Variants in FRAS1 observed in about 807,000 individuals in gnomAD.
The protein encoded by FRAS1 is Fraser extracellular matrix complex subunit 1.
FRAS1 carries 290 observed loss-of-function variants against 435.2 expected under a neutral mutation model. That is an observed-to-expected ratio of 0.67 (90% confidence interval 0.61 to 0.73). FRAS1 has a LOEUF of 0.73. FRAS1 is among the 30% of genes least tolerant of loss of function. The pLI is 0.00. For missense variants in FRAS1, 4,860 were observed against 5,001.5 expected (o/e 0.97, Z 0.85); for synonymous variants, 1,800 against 1,851.0 (o/e 0.97, Z 0.71).
chr4:78,198,150 A>G (rs1487689988), intron 2 of FRAS1, among the ~76,000 whole-genome samples: 1 of 152,056 alleles, frequency 6.6e-6, no homozygotes, highest in Non-Finnish European at 1.5e-5. Context: ...TTCACTTTCA[A>G]TCTCAGGACC....
Position 78,173,034 on chromosome 4 carries a change from C to T in FRAS1, c.109-64476C>T, listed in dbSNP as rs567089595. Among the ~76,000 whole-genome samples the T allele has an allele frequency of 7.9e-5, 12 of 151,626 alleles. No individual in the cohort carries two copies. The South Asian group carries it at 1.0e-3, about 13-fold the overall frequency. ...GAAATGTTATTTTAGAAGATGGGTG[C>T]GAATCTTTGTCCACAGCTCAGGTGT... is the stretch of plus-strand genomic sequence containing the variant. On this transcript the variant is annotated intron_variant, in intron 2 of 73. Transcript: ENST00000512123.
chr4:78,105,002 T>A (rs369587113), intron 2 of FRAS1, among the ~76,000 whole-genome samples: 7 of 152,222 alleles, frequency 4.6e-5, no homozygotes, highest in African/African-American at 1.4e-4. Context: ...TTTAGATTGA[T>A]CATATTCATT....
In FRAS1 at chr4:78,478,057, A is replaced by G; in HGVS notation, c.8094A>G (p.Arg2698=). Residue 2698 remains arginine (R), a synonymous_variant, in exon 55 of 74, where the codon AGA becomes AGG. Coordinates refer to ENST00000512123, the MANE Select transcript of FRAS1 (RefSeq NM_025074.7). ...GTTTTCTGTTTGCACCTATTGAAAG[A>G]AAAGGTCTGTTGGTTCCACAGGTGA... ...SAGFLFAPIE[R]KGDASSIVSA... The G allele has an allele frequency of 6.4e-7, 1 of 1,560,260 alleles. No homozygotes were observed. The highest frequency in any genetic ancestry group is 1.4e-5 in the African/African-American group (1 of 73,700).
chr4:78,477,435 C>T (rs1291887490), intron 54 of FRAS1, among the ~76,000 whole-genome samples: 2 of 152,130 alleles, frequency 1.3e-5, no homozygotes, highest in Non-Finnish European at 2.9e-5. Context: ...GATCTGAGAA[C>T]AGAACTTCAT....
Position 78,375,799 on chromosome 4 carries a change from G to T in FRAS1, c.3212G>T (p.Gly1071Val), listed in dbSNP as rs746618346. Reference sequence around the variant, plus strand: ...GACCGTTGTCACCTCTGTGACCATGGGTTCTTTCTGAAGAGTGGCCTCTGT... The same window carrying T: ...GACCGTTGTCACCTCTGTGACCATGTGTTCTTTCTGAAGAGTGGCCTCTGT... ...HRDRCHLCDHGFFLKSGLCVY... is the reference protein window; with the variant it reads ...HRDRCHLCDHVFFLKSGLCVY... Residue 1071 changes from glycine to valine, a missense_variant, in exon 26 of 74, where the codon GGG becomes GTG. Coordinates refer to ENST00000512123, the MANE Select transcript of FRAS1 (RefSeq NM_025074.7). 5.0e-6 allele frequency: 8 copies of T among 1,612,904 alleles called. No homozygotes were observed. The highest frequency in any genetic ancestry group is 5.9e-6 in the Non-Finnish European group (7 of 1,179,472).
chr4:78,390,797 C>T (rs1388329956), intron 29 of FRAS1, among the ~76,000 whole-genome samples: 1 of 152,232 alleles, frequency 6.6e-6, no homozygotes, highest in Non-Finnish European at 1.5e-5. Context: ...AGTTCTTACC[C>T]TGTGGCTACC....
chr4:78,282,927 C>G lies in FRAS1; in HGVS notation c.1215C>G (p.Ala405=), dbSNP rs756996619. 2.9e-5 allele frequency: 46 copies of G among 1,608,772 alleles called. No homozygotes were observed. Among genetic ancestry groups the G allele is most frequent in the Non-Finnish European group, 3.2e-5 (38 of 1,177,970 alleles). The change falls in exon 12 of 74, where the codon GCC becomes GCG. Residue 405 remains alanine, a synonymous_variant. Transcript: ENST00000512123. The stretch of plus-strand genomic sequence containing the variant: ...CACCATGTCCAGTGGGCACACTGGC[C>G]TTAGAGGTGAAGGGACAGTGCTGTC... The part of the protein sequence containing the change: ...SCPPCPVGTL[A]LEVKGQCCPD...
At chr4:78,370,540 C>T (rs1427674487) in intron 23 of FRAS1, among the ~76,000 whole-genome samples, 1 of 152,022 alleles carries the variant, frequency 6.6e-6, no homozygotes, top group Non-Finnish European at 1.5e-5. Context: ...TCAGCAGTCC[C>T]CACCATTCCC....
rs114190041 is a variant in FRAS1 at position 78,479,692 on chromosome 4, C to T, written c.8417C>T (p.Thr2806Met). ...GCCTCGACTGTGTCCCTGGGCAACACGGCTTTCACTGTCAGTGAGGACGCA... is the reference window on the plus strand; with the variant it reads ...GCCTCGACTGTGTCCCTGGGCAACATGGCTTTCACTGTCAGTGAGGACGCA... The part of the protein sequence containing the change: ...NDASTVSLGN[T>M]AFTVSEDAGT... Residue 2806 changes from threonine (T) to methionine (M), a missense_variant, in exon 56 of 74, where the codon ACG becomes ATG. Physicochemically the swap from Thr to Met is moderately conservative, Grantham distance 81 (BLOSUM62 -1). Transcript: ENST00000512123. 2.2e-3 allele frequency: 3,437 copies of T among 1,596,714 alleles called. 61 individuals are homozygous for T. In the African/African-American group the frequency reaches 0.041, roughly 19 times the overall value.
chr4:78,333,209 G>C lies in FRAS1; in HGVS notation c.2138-63G>C. 1.9e-6 allele frequency: 3 copies of C among 1,539,736 alleles called. No homozygotes were observed. In the Admixed American group the frequency reaches 5.8e-5, roughly 30 times the overall value. On this transcript the variant is annotated intron_variant, in intron 18 of 73. Transcript: ENST00000512123. ...CCCAGGAATGTTAATGGGAGAGATA[G>C]AGTTACTGTCTGTGTCACGTGGGGC... is the stretch of plus-strand genomic sequence containing the variant.
chr4:78,321,767 C>G (rs893671308), intron 18 of FRAS1, among the ~76,000 whole-genome samples: 3 of 149,662 alleles, frequency 2.0e-5, no homozygotes, highest in African/African-American at 7.5e-5. Context: ...ATAGCTTGAA[C>G]TCGGGGGCGG....
intron 29 of FRAS1, among the ~76,000 whole-genome samples, chr4:78,390,892 A>G (rs1457345212): frequency 6.6e-6 from 1 of 152,252 alleles, no homozygotes; most frequent in Non-Finnish European, 1.5e-5. Context: ...GAATGTACGA[A>G]TTACTCCTGA....
chr4:78,308,209 G>C lies in FRAS1; in HGVS notation c.1678G>C (p.Ala560Pro). 1 of 1,613,730 alleles carries C rather than the reference G, an allele frequency of 6.2e-7. No homozygotes were observed. The highest frequency in any genetic ancestry group is 8.5e-7 in the Non-Finnish European group (1 of 1,179,756). ...CTACAACAGGCAGGGCACCTGTAGCGGTGAGTGCTGGGTTGCGATGCTGAC... is the reference window on the plus strand; with the variant it reads ...CTACAACAGGCAGGGCACCTGTAGCCGTGAGTGCTGGGTTGCGATGCTGAC... ...GFYNRQGTCS[A>P]CDQSCDSCGP... Residue 560 changes from alanine (A) to proline (P), a missense_variant and splice_region_variant, in exon 15 of 74, where the codon GCT (alanine) becomes CCT (proline). Physicochemically the swap from Ala to Pro is conservative, Grantham distance 27. Coordinates refer to ENST00000512123, the MANE Select transcript of FRAS1 (RefSeq NM_025074.7).
At chr4:78,276,994 C>T (rs1055274864) in intron 9 of FRAS1, among the ~76,000 whole-genome samples, 4 of 152,128 alleles carry the variant, frequency 2.6e-5, no homozygotes, top group Non-Finnish European at 5.9e-5. Flanking sequence ...CTTTGTTTAC[C>T]CACTCAAGCC....
chr4:78,324,156 A>G (rs559536569), intron 18 of FRAS1, among the ~76,000 whole-genome samples: 1 of 152,236 alleles, frequency 6.6e-6, no homozygotes, highest in East Asian at 1.9e-4. Context: ...TGCATGCATT[A>G]TACATATTAC....
At chr4:78,089,074 A>G (rs1367004845) in intron 2 of FRAS1, among the ~76,000 whole-genome samples, 7 of 152,128 alleles carry the variant, frequency 4.6e-5, no homozygotes, top group African/African-American at 7.2e-5. Context: ...TGTGGCACAT[A>G]TACACCATGG....
intron 2 of FRAS1, among the ~76,000 whole-genome samples, chr4:78,100,193 A>C (rs532017866): frequency 3.9e-5 from 6 of 152,354 alleles, no homozygotes; most frequent in African/African-American, 1.4e-4. Flanking sequence ...TGTGAAAGGA[A>C]TCAGACATAG....
intron 2 of FRAS1, among the ~76,000 whole-genome samples, chr4:78,139,674 C>A (rs142353819): frequency 6.6e-6 from 1 of 152,034 alleles, no homozygotes; most frequent in African/African-American, 2.4e-5. Context: ...CTGAATTTTG[C>A]ATTAGCATAA....
At chr4:78,444,438 A>T (rs1718719519) in intron 41 of FRAS1, among the ~76,000 whole-genome samples, 2 of 152,204 alleles carry the variant, frequency 1.3e-5, no homozygotes, top group African/African-American at 4.8e-5. Flanking sequence ...AATAAATATG[A>T]CACTGTCTAT....
Sources: allele counts gnomAD v4.1 joint callset (sites outside exome capture counted in the v4.1 genomes callset), GRCh38; gene constraint gnomAD v4.1.1; transcripts MANE v1.5; gene names NCBI Gene and HGNC (gene_info 2026-07-23, HGNC 2026-07-21).